PPM1B: variants seen among roughly 807,000 people sequenced by gnomAD.
PPM1B encodes the protein protein phosphatase 1B.
PPM1B carries 22 observed loss-of-function variants against 43.0 expected under a neutral mutation model. That is an observed-to-expected ratio of 0.51 (90% CI 0.37 to 0.73). PPM1B has a LOEUF of 0.73. Among genes scored for constraint, PPM1B ranks in the 30% least tolerant of loss-of-function variants. PPM1B has a pLI of 0.00. For synonymous variants in PPM1B, 217 were observed against 197.9 expected (o/e 1.10, Z -0.81); for missense variants, 632 against 584.2 (o/e 1.08, Z -0.84).
At chr2:44,234,623 A>G (rs886689602), downstream of PPM1B, 3 of 985,028 alleles carry the variant, frequency 3.0e-6, no homozygotes, top group Non-Finnish European at 3.6e-6. Flanking sequence ...AGAAAAACCC[A>G]TATTCAGTGT....
chr2:44,178,735 G>T (rs1332870161), intron 1 of PPM1B, among the ~76,000 whole-genome samples: 3 of 152,028 alleles, frequency 2.0e-5, no homozygotes, highest in Non-Finnish European at 4.4e-5. Flanking sequence ...CTCCCAAAGT[G>T]CTGGGATTAC....
rs1354729935 is a variant in PPM1B at position 44,226,729 on chromosome 2, T to G, written c.1135-3684T>G. On this transcript the variant is annotated intron_variant, in intron 5 of 5. Transcript: ENST00000282412. ...ATTTTTTTTTAATAAAATGGTAGGT[T>G]TTTATCTTTTTTTTTTTTTTTTTTT... is the stretch of plus-strand genomic sequence containing the variant. 5.2e-5 allele frequency among the ~76,000 whole-genome samples: 7 copies of G among 134,432 alleles called. No individual in the cohort carries two copies. In the Admixed American group the frequency reaches 6.3e-4, roughly 12 times the overall value. 88.2% of individuals were successfully genotyped at this position (134,432 alleles called of 152,430 possible). A position where few individuals can be genotyped will look rare whatever the true frequency, so the allele number is the denominator to read the frequency against.
Position 44,218,463 on chromosome 2 carries a change from A to G in PPM1B, c.1077-17A>G, listed in dbSNP as rs749857536. ...CTGTGTAATTTAATAAAACTAAAGC[A>G]TGTTTTTTTTTTTTAGGCGTAATGT... On this transcript the variant is annotated splice_polypyrimidine_tract_variant and intron_variant, in intron 4 of 5. Coordinates refer to ENST00000282412, the MANE Select transcript of PPM1B (RefSeq NM_002706.6). 2 of 1,475,190 alleles carry G rather than the reference A, an allele frequency of 1.4e-6. No individual in the cohort carries two copies. Among genetic ancestry groups the G allele is most frequent in the East Asian group, 2.3e-5 (1 of 43,796 alleles). 91.4% of individuals were successfully genotyped at this position (1,475,190 alleles called of 1,614,324 possible).
downstream of PPM1B, chr2:44,233,266 AATAC>A (rs1670520431): frequency 1.1e-6 from 1 of 894,222 alleles, no homozygotes; most frequent in Non-Finnish European, 1.3e-6. Context: ...AATTACTATA[AATAC>A]ATTTAAAATT....
chr2:44,215,549 C>T (rs1669681408), intron 3 of PPM1B, among the ~76,000 whole-genome samples: 1 of 151,998 alleles, frequency 6.6e-6, no homozygotes, highest in South Asian at 2.1e-4. Context: ...TGTAATATGA[C>T]ATTAAATTTT....
At chr2:44,200,053 C>G (rs191936341) in intron 1 of PPM1B, among the ~76,000 whole-genome samples, 207 of 152,094 alleles carry the variant, frequency 1.4e-3, no homozygotes, top group Admixed American at 4.5e-3. Context: ...CATCTAAGAT[C>G]TATTGAAAAA....
intron 2 of PPM1B, among the ~76,000 whole-genome samples, chr2:44,205,328 G>C (rs895386052): frequency 1.0e-5 from 1 of 98,618 alleles, no homozygotes; most frequent in African/African-American, 4.4e-5. Context: ...ATAAAATAAA[G>C]AAGAGTGGGT....
chr2:44,209,205 C>G lies in PPM1B; in HGVS notation c.847-5C>G. ...TTTTTTTTCTTTTTTTTCTTTAATACACAGGGAAGTCGAGATAACATGAGT... is the reference window on the plus strand; with the variant it reads ...TTTTTTTTCTTTTTTTTCTTTAATAGACAGGGAAGTCGAGATAACATGAGT... On this transcript the variant is annotated splice_polypyrimidine_tract_variant and splice_region_variant and intron_variant, in intron 2 of 5. Transcript: ENST00000282412. 6.4e-7 allele frequency: 1 copy of G among 1,565,850 alleles called. No individual in the cohort carries two copies. Among genetic ancestry groups the G allele is most frequent in the Non-Finnish European group, 8.6e-7 (1 of 1,157,516 alleles).
chr2:44,210,373 C>T (rs1363309927), intron 3 of PPM1B, among the ~76,000 whole-genome samples: 3 of 152,132 alleles, frequency 2.0e-5, no homozygotes, highest in Non-Finnish European at 4.4e-5. Flanking sequence ...CACGTGCCAC[C>T]ACAGCTGGCT....
chr2:44,220,498 A>G (rs868836892), intron 5 of PPM1B, among the ~76,000 whole-genome samples: 1 of 152,344 alleles, frequency 6.6e-6, no homozygotes. Context: ...TTATTTGGCT[A>G]TAGAAATGGG....
intron 1 of PPM1B, among the ~76,000 whole-genome samples, chr2:44,188,715 T>TTTCC (rs1156418924): frequency 3.9e-4 from 56 of 142,356 alleles, no homozygotes; most frequent in South Asian, 2.4e-3. Flanking sequence ...GCCTGCCTGC[T>TTTCC]TTCCTTCCTT....
chr2:44,187,129 T>C (rs1252808537), intron 1 of PPM1B, among the ~76,000 whole-genome samples: 1 of 152,248 alleles, frequency 6.6e-6, no homozygotes, highest in Non-Finnish European at 1.5e-5. Flanking sequence ...CACTCTGCTT[T>C]CTTTTTCTAT....
At position 44,231,312 on chromosome 2, in the gene PPM1B, T is replaced by G; in HGVS notation, c.*594T>G. ...ATTTTTCCTTTCTCTGTATTCTTTA[T>G]GAAACATAACTTTTGAAAAACCTAT... On this transcript the variant is annotated 3_prime_UTR_variant, in exon 6 of 6. Coordinates refer to ENST00000282412, the MANE Select transcript of PPM1B (RefSeq NM_002706.6). The G allele has an allele frequency of 1.0e-6, 1 of 980,618 alleles. No individual in the cohort carries two copies. The highest frequency in any genetic ancestry group is 4.7e-5 in the South Asian group (1 of 21,184). The allele number at this position is 980,618 out of a possible 1,614,324, so 60.7% of individuals were successfully genotyped here. A position where few individuals can be genotyped will look rare whatever the true frequency, so the allele number is the denominator to read the frequency against.
chr2:44,225,222 A>ATCC (rs1316151885), intron 5 of PPM1B, among the ~76,000 whole-genome samples: 7 of 152,256 alleles, frequency 4.6e-5, no homozygotes, highest in Non-Finnish European at 1.0e-4. Context: ...GTAGGAGGAC[A>ATCC]TAGAATGGAA....
At chr2:44,223,839 AAAAAAG>A (rs1268119653) in intron 5 of PPM1B, among the ~76,000 whole-genome samples, 2 of 144,830 alleles carry the variant, frequency 1.4e-5, no homozygotes, top group African/African-American at 2.8e-5. Context: ...AAAAAAAAAA[AAAAAAG>A]AGAGAGAGAG....
At position 44,172,831 on chromosome 2, in the gene PPM1B, A is replaced by G. The variant is rs575692009; in HGVS notation, c.-15+3557A>G. On this transcript the variant is annotated intron_variant, in intron 1 of 5. Coordinates refer to ENST00000282412, the MANE Select transcript of PPM1B (RefSeq NM_002706.6). Reference sequence around the variant, plus strand: ...CTGAGGTGGGAGGATCGCTTGAGCCAGGGAGGTCAAAGCTGCAGCGAGCTG... The same window carrying G: ...CTGAGGTGGGAGGATCGCTTGAGCCGGGGAGGTCAAAGCTGCAGCGAGCTG... Among the ~76,000 whole-genome samples, 3 of 152,262 alleles carry G rather than the reference A, an allele frequency of 2.0e-5. No individual in the cohort carries two copies. In the East Asian group the frequency reaches 5.8e-4, roughly 29 times the overall value.
At chr2:44,183,162 G>C (rs769080307) in intron 1 of PPM1B, among the ~76,000 whole-genome samples, 2 of 152,188 alleles carry the variant, frequency 1.3e-5, no homozygotes, top group Non-Finnish European at 2.9e-5. Context: ...TCTTATAACA[G>C]TTTGTAGTTT....
downstream of PPM1B, among the ~76,000 whole-genome samples, chr2:44,237,465 C>G (rs1180293398): frequency 6.6e-6 from 1 of 152,198 alleles, no homozygotes; most frequent in East Asian, 1.9e-4. Flanking sequence ...TACTAGTACA[C>G]TGTTTTGTGC....
chr2:44,171,955 T>TA lies in PPM1B; in HGVS notation c.-15+2686dup, dbSNP rs1313903571. Among the ~76,000 whole-genome samples the TA allele has an allele frequency of 6.6e-5, 10 of 152,306 alleles. 1 individual carries two copies. The highest frequency in any genetic ancestry group is 3.3e-4 in the Admixed American group (5 of 15,284). ...GTAGTATAATTCTAACTCTCGCTTT[T>TA]AAAAATGCAACATACAGTATTTTAT... On this transcript the variant is annotated intron_variant, in intron 1 of 5. Coordinates refer to ENST00000282412, the MANE Select transcript of PPM1B (RefSeq NM_002706.6).
Sources: allele counts gnomAD v4.1 joint callset (sites outside exome capture counted in the v4.1 genomes callset), GRCh38; gene constraint gnomAD v4.1.1; transcripts MANE v1.5; gene names NCBI Gene and HGNC (gene_info 2026-07-23, HGNC 2026-07-21).